Variants in OR1B1 observed in about 807,000 individuals in gnomAD.
OR1B1 encodes the protein olfactory receptor 1B1.
For synonymous variants in OR1B1, 168 were observed against 156.2 expected (o/e 1.08, Z -0.57); for missense variants, 414 against 402.1 (o/e 1.03, Z -0.25).
the OR1B1 span, among the ~76,000 whole-genome samples, chr9:122,640,062 C>T: frequency 9.9e-5 from 15 of 152,168 alleles, no homozygotes; most frequent in East Asian, 1.7e-3. Flanking sequence ...AAGCAACTTG[C>T]TTACTATTGT....
At chr9:122,656,489 A>T in the OR1B1 span, among the ~76,000 whole-genome samples, 3 of 144,152 alleles carry the variant, frequency 2.1e-5, no homozygotes, top group Admixed American at 1.4e-4. Context: ...GTTCCTGATT[A>T]AAAAAAAAAA....
At chr9:122,653,874 A>G in the OR1B1 span, among the ~76,000 whole-genome samples, 6 of 152,224 alleles carry the variant, frequency 3.9e-5, no homozygotes, top group Non-Finnish European at 8.8e-5. Context: ...TAGACAATTC[A>G]TGCATTTATG....
At chr9:122,655,334 A>G in the OR1B1 span, among the ~76,000 whole-genome samples, 3 of 152,144 alleles carry the variant, frequency 2.0e-5, no homozygotes, top group African/African-American at 4.8e-5. Context: ...ACTGTTCCTG[A>G]CCAAAGCCCT....
the OR1B1 span, among the ~76,000 whole-genome samples, chr9:122,644,483 A>C: frequency 1.3e-5 from 2 of 152,168 alleles, no homozygotes; most frequent in African/African-American, 4.8e-5. Context: ...TTGAACTCTA[A>C]TCCCTGGCTT....
the OR1B1 span, among the ~76,000 whole-genome samples, chr9:122,646,273 A>G: frequency 1.1e-4 from 17 of 152,144 alleles, no homozygotes; most frequent in Admixed American, 1.1e-3. Flanking sequence ...GACAAGAAGG[A>G]AGGAAAAAAA....
chr9:122,649,284 A>G, the OR1B1 span, among the ~76,000 whole-genome samples: 1 of 151,848 alleles, frequency 6.6e-6, no homozygotes, highest in African/African-American at 2.4e-5. Context: ...GGTAAGACCT[A>G]AAACCATAAA....
chr9:122,636,717 C>T, the OR1B1 span, among the ~76,000 whole-genome samples: 4 of 152,170 alleles, frequency 2.6e-5, no homozygotes, highest in African/African-American at 4.8e-5. Context: ...AGTGGGTGCT[C>T]GTTAAACATT....
the OR1B1 span, among the ~76,000 whole-genome samples, chr9:122,638,660 C>A: frequency 1.3e-5 from 2 of 152,254 alleles, no homozygotes; most frequent in African/African-American, 4.8e-5. Flanking sequence ...GGTCACAATA[C>A]TTGTGAATTA....
chr9:122,650,976 G>C, the OR1B1 span, among the ~76,000 whole-genome samples: 1 of 151,674 alleles, frequency 6.6e-6, no homozygotes, highest in Non-Finnish European at 1.5e-5. Context: ...AGTGAGCCAA[G>C]ATCGCGCTAC....
upstream of OR1B1, chr9:122,629,632 G>A (rs904242369): frequency 2.4e-5 from 19 of 778,936 alleles, no homozygotes; most frequent in Middle Eastern, 2.8e-4. Context: ...ATTATATTAC[G>A]TTACTAAAGA....
the OR1B1 span, among the ~76,000 whole-genome samples, chr9:122,651,410 C>T: frequency 2.0e-5 from 3 of 152,168 alleles, no homozygotes; most frequent in Non-Finnish European, 4.4e-5. Flanking sequence ...GAACACTGAA[C>T]TTATTCTTCC....
the OR1B1 span, among the ~76,000 whole-genome samples, chr9:122,656,522 C>G: frequency 9.9e-5 from 15 of 152,270 alleles, no homozygotes; most frequent in Middle Eastern, 3.4e-3. Flanking sequence ...AACTTCCTCT[C>G]TGTATCTCAC....
chr9:122,654,351 A>C, the OR1B1 span, among the ~76,000 whole-genome samples: 2 of 152,230 alleles, frequency 1.3e-5, no homozygotes, highest in Non-Finnish European at 2.9e-5. Flanking sequence ...ACTTGCTCAC[A>C]GCATCTATCT....
At chr9:122,646,952 C>T in the OR1B1 span, among the ~76,000 whole-genome samples, 1 of 152,052 alleles carries the variant, frequency 6.6e-6, no homozygotes, top group African/African-American at 2.4e-5. Context: ...AGTTTTTATT[C>T]GTTTTCTTTT....
At chr9:122,653,133 G>T in the OR1B1 span, among the ~76,000 whole-genome samples, 1 of 152,212 alleles carries the variant, frequency 6.6e-6, no homozygotes, top group Admixed American at 6.5e-5. Context: ...CTTGGAGATA[G>T]AAAAGGCTCT....
chr9:122,635,375 A>G, the OR1B1 span, among the ~76,000 whole-genome samples: 2 of 152,222 alleles, frequency 1.3e-5, no homozygotes, highest in Non-Finnish European at 1.5e-5. Flanking sequence ...GGGGAAGGGA[A>G]AAAATGAGTA....
chr9:122,632,947 G>A (rs1830219972), upstream of OR1B1, among the ~76,000 whole-genome samples: 1 of 152,260 alleles, frequency 6.6e-6, no homozygotes, highest in South Asian at 2.1e-4. Flanking sequence ...TCACAATCAT[G>A]GCAGAAGTTG....
chr9:122,648,702 A>G, the OR1B1 span, among the ~76,000 whole-genome samples: 4 of 152,240 alleles, frequency 2.6e-5, no homozygotes, highest in African/African-American at 9.6e-5. Flanking sequence ...AGGGATTTGA[A>G]GGACCTCTTC....
At chr9:122,653,479 T>G in the OR1B1 span, among the ~76,000 whole-genome samples, 1 of 152,206 alleles carries the variant, frequency 6.6e-6, no homozygotes, top group Admixed American at 6.5e-5. Flanking sequence ...TTCATAAAAT[T>G]CTTAGAACAC....
Sources: gnomAD v4.1 joint callset for allele counts (sites outside exome capture counted in the v4.1 genomes callset) on GRCh38, gnomAD v4.1.1 for gene constraint, MANE v1.5 for transcripts, NCBI Gene and HGNC (gene_info 2026-07-23, HGNC 2026-07-21) for gene names.